R3HCC1L: variants seen among roughly 807,000 people sequenced by gnomAD.
The protein encoded by R3HCC1L is R3H domain and coiled-coil containing 1 like.
Under a neutral mutation model 59.9 loss-of-function variants are expected in R3HCC1L, and 51 were observed. The ratio of observed to expected loss-of-function variants is 0.85; its 90% CI spans 0.68 to 1.07. R3HCC1L has a LOEUF of 1.07. Ranked by LOEUF, R3HCC1L falls within the 50% of genes least tolerant of loss-of-function variation. R3HCC1L has a pLI of 0.00. For missense variants in R3HCC1L, 965 were observed against 933.0 expected (o/e 1.03, Z -0.45); for synonymous variants, 322 against 315.2 (o/e 1.02, Z -0.23).
intron 5 of R3HCC1L, among the ~76,000 whole-genome samples, chr10:98,217,290 G>A (rs1031122299): frequency 1.3e-5 from 2 of 152,138 alleles, no homozygotes; most frequent in African/African-American, 4.8e-5. Flanking sequence ...GCTTTCCTCA[G>A]TGTTCTTGGT....
chr10:98,189,603 T>C (rs1850617650), intron 4 of R3HCC1L, among the ~76,000 whole-genome samples: 1 of 152,136 alleles, frequency 6.6e-6, no homozygotes, highest in South Asian at 2.1e-4. Context: ...ATATATATTT[T>C]GTATAACCTG....
chr10:98,240,043 C>T (rs1256568736), intron 9 of R3HCC1L, among the ~76,000 whole-genome samples: 1 of 152,220 alleles, frequency 6.6e-6, no homozygotes, highest in Non-Finnish European at 1.5e-5. Flanking sequence ...TGGTGGCTCA[C>T]TCCTGTAATC....
At chr10:98,154,182 C>CAAAAAAAAAAAAA (rs61379048) in intron 1 of R3HCC1L, among the ~76,000 whole-genome samples, 2 of 92,832 alleles carry the variant, frequency 2.2e-5, no homozygotes, top group Non-Finnish European at 4.2e-5. Context: ...AGAGAATAAG[C>CAAAAAAAAAAAAA]AAAAAAAAAA....
intron 5 of R3HCC1L, among the ~76,000 whole-genome samples, chr10:98,213,912 T>G (rs981876142): frequency 2.0e-5 from 3 of 152,204 alleles, no homozygotes; most frequent in Non-Finnish European, 4.4e-5. Flanking sequence ...CTGTATATTC[T>G]AATGCAGTCA....
chr10:98,223,618 T>G (rs940805129), intron 5 of R3HCC1L, among the ~76,000 whole-genome samples: 7 of 152,106 alleles, frequency 4.6e-5, no homozygotes, highest in Non-Finnish European at 1.0e-4. Flanking sequence ...TAGCATAGTT[T>G]CTGTATGATA....
intron 9 of R3HCC1L, among the ~76,000 whole-genome samples, chr10:98,241,127 G>A (rs1022017617): frequency 6.6e-6 from 1 of 151,874 alleles, no homozygotes; most frequent in Admixed American, 6.6e-5. Flanking sequence ...AAAATTAAGA[G>A]GTTATTTAGA....
At chr10:98,194,452 C>T (rs775539162) in intron 4 of R3HCC1L, among the ~76,000 whole-genome samples, 19 of 151,960 alleles carry the variant, frequency 1.3e-4, no homozygotes, top group Non-Finnish European at 2.1e-4. Flanking sequence ...CATGTACATC[C>T]AACTTAAAAA....
intron 4 of R3HCC1L, among the ~76,000 whole-genome samples, chr10:98,177,395 G>A (rs1336787143): frequency 1.3e-5 from 2 of 152,208 alleles, no homozygotes; most frequent in East Asian, 3.8e-4. Context: ...ATTCCATGGT[G>A]TATATGTGCC....
intron 4 of R3HCC1L, among the ~76,000 whole-genome samples, chr10:98,176,041 T>C (rs1000363920): frequency 2.0e-5 from 3 of 152,158 alleles, no homozygotes; most frequent in African/African-American, 7.2e-5. Context: ...CTCTCTTTTT[T>C]CATAGAATTT....
chr10:98,212,572 G>A (rs1853704124), intron 5 of R3HCC1L, among the ~76,000 whole-genome samples: 2 of 152,306 alleles, frequency 1.3e-5, no homozygotes, highest in South Asian at 4.1e-4. Context: ...GTCTCCTAAA[G>A]CCACGGTATG....
chr10:98,232,180 G>C (rs10450369), intron 6 of R3HCC1L, among the ~76,000 whole-genome samples: 179 of 152,116 alleles, frequency 1.2e-3, no homozygotes, highest in African/African-American at 4.0e-3. Flanking sequence ...TGTAGAGACA[G>C]GGTTTCACCA....
chr10:98,229,265 C>G (rs916942600), intron 5 of R3HCC1L, among the ~76,000 whole-genome samples: 1 of 152,154 alleles, frequency 6.6e-6, no homozygotes, highest in Non-Finnish European at 1.5e-5. Flanking sequence ...TTTCATCAAG[C>G]AGTGGTTTGT....
At chr10:98,203,995 T>C (rs566135812) in intron 4 of R3HCC1L, among the ~76,000 whole-genome samples, 3 of 152,334 alleles carry the variant, frequency 2.0e-5, no homozygotes, top group South Asian at 4.1e-4. Context: ...TGATGGTCCT[T>C]CAAGCATAAA....
chr10:98,240,014 C>A (rs1857360155), intron 9 of R3HCC1L, among the ~76,000 whole-genome samples: 1 of 152,134 alleles, frequency 6.6e-6, no homozygotes, highest in Admixed American at 6.6e-5. Context: ...ATTTTAAAGA[C>A]CAAACTCAGG....
chr10:98,211,428 C>A, intron 5 of R3HCC1L: 1 of 1,429,426 alleles, frequency 7.0e-7, no homozygotes. Flanking sequence ...AAATACTGTT[C>A]AGTAGAGGTT....
At chr10:98,135,270 T>G (rs1481005234) in intron 1 of R3HCC1L, among the ~76,000 whole-genome samples, 3 of 152,190 alleles carry the variant, frequency 2.0e-5, no homozygotes, top group Non-Finnish European at 4.4e-5. Context: ...CCCCTCTCAG[T>G]TGTGTACGGG....
intron 4 of R3HCC1L, among the ~76,000 whole-genome samples, chr10:98,205,583 G>T (rs1257673407): frequency 6.6e-6 from 1 of 152,162 alleles, no homozygotes; most frequent in Non-Finnish European, 1.5e-5. Flanking sequence ...TACTACAAAG[G>T]ACACTTGGAA....
intron 1 of R3HCC1L, among the ~76,000 whole-genome samples, chr10:98,139,184 C>T (rs2133842059): frequency 6.6e-6 from 1 of 152,304 alleles, no homozygotes; most frequent in South Asian, 2.1e-4. Flanking sequence ...ACAAATATCT[C>T]ACCAGAATGA....
chr10:98,201,992 C>T (rs1852102824), intron 4 of R3HCC1L, among the ~76,000 whole-genome samples: 1 of 151,564 alleles, frequency 6.6e-6, no homozygotes. Context: ...GCCTTGAACT[C>T]GTGGCCTCAA....
Sources: allele counts gnomAD v4.1 joint callset (sites outside exome capture counted in the v4.1 genomes callset), GRCh38; gene constraint gnomAD v4.1.1; transcripts MANE v1.5; gene names NCBI Gene and HGNC (gene_info 2026-07-23, HGNC 2026-07-21).